The following TTC7A variants were observed in gnomAD, a reference collection of about 807,000 sequenced individuals.
TTC7A encodes tetratricopeptide repeat protein 7A.
TTC7A carries 110 observed loss-of-function variants against 103.7 expected under a neutral mutation model. That is an observed-to-expected ratio of 1.06 (90% confidence interval 0.91 to 1.24). The LOEUF (loss-of-function observed/expected upper bound fraction) is 1.24. TTC7A is among the 50% of genes most tolerant of loss of function. TTC7A has a pLI of 0.00. For missense variants in TTC7A, 1,340 were observed against 1,116.3 expected, an observed-to-expected ratio of 1.20 and a Z score of -2.86; for synonymous variants, 521 against 467.9, an observed-to-expected ratio of 1.11 and a Z score of -1.47.
intron 5 of TTC7A, among the ~76,000 whole-genome samples, chr2:46,979,815 C>G (rs1402276641): frequency 6.6e-6 from 1 of 152,172 alleles, no homozygotes; most frequent in Non-Finnish European, 1.5e-5. Flanking sequence ...GGCTTTGGGC[C>G]CCTTCCTCTG....
chr2:47,000,329 C>G (rs1297577429), intron 8 of TTC7A, among the ~76,000 whole-genome samples: 1 of 151,832 alleles, frequency 6.6e-6, no homozygotes, highest in Non-Finnish European at 1.5e-5. Context: ...ATTGTTTCAG[C>G]TTTTGGGATC....
intron 2 of TTC7A, among the ~76,000 whole-genome samples, chr2:46,954,541 T>C (rs1315973876): frequency 6.6e-6 from 1 of 150,562 alleles, no homozygotes; most frequent in Non-Finnish European, 1.5e-5. Flanking sequence ...AAGGGCAAGG[T>C]AGATATCCTT....
At chr2:46,918,533 C>A (rs1490494472) in intron 2 of TTC7A, among the ~76,000 whole-genome samples, 1 of 152,174 alleles carries the variant, frequency 6.6e-6, no homozygotes, top group African/African-American at 2.4e-5. Flanking sequence ...TGAACCCATT[C>A]CTAACAGGCA....
intron 3 of TTC7A, among the ~76,000 whole-genome samples, chr2:46,969,026 C>T (rs190084863): frequency 6.6e-6 from 1 of 151,928 alleles, no homozygotes; most frequent in African/African-American, 2.4e-5. Flanking sequence ...CCTCAGCTCC[C>T]ACAGTGCTGG....
chr2:47,062,628 T>C (rs781742448), intron 19 of TTC7A, among the ~76,000 whole-genome samples: 1 of 152,268 alleles, frequency 6.6e-6, no homozygotes, highest in East Asian at 1.9e-4. Flanking sequence ...TTCCACTGTG[T>C]TCACGGATAT....
chr2:47,034,906 C>G lies in TTC7A; in HGVS notation c.1802+5522C>G, dbSNP rs77510581. Among the ~76,000 whole-genome samples the G allele has an allele frequency of 6.6e-3, 1,007 of 152,266 alleles. 7 individuals carry two copies. Among genetic ancestry groups the G allele is most frequent in the African/African-American group, 0.023 (959 of 41,546 alleles). On this transcript the variant is annotated intron_variant, in intron 15 of 19. Coordinates refer to ENST00000319190, the MANE Select transcript of TTC7A (RefSeq NM_020458.4). ...ATGGGCTTCCCGACAAGCCAGAGCA[C>G]GTGCCTGTAAACAAATGGAACCACA...
At chr2:46,920,757 A>G (rs1669062331) in intron 2 of TTC7A, among the ~76,000 whole-genome samples, 1 of 151,998 alleles carries the variant, frequency 6.6e-6, no homozygotes, top group Non-Finnish European at 1.5e-5. Flanking sequence ...ACTTCCTTCA[A>G]AGGCATTTTC....
intron 2 of TTC7A, among the ~76,000 whole-genome samples, chr2:46,928,849 G>A (rs1006488020): frequency 6.6e-5 from 10 of 152,102 alleles, no homozygotes; most frequent in Non-Finnish European, 1.3e-4. Flanking sequence ...GGGTAGGGGG[G>A]GAAGCTTTAA....
upstream of TTC7A, among the ~76,000 whole-genome samples, chr2:46,939,271 T>C (rs13392448): frequency 0.17 from 26,218 of 151,462 alleles, 2,716 homozygotes; most frequent in African/African-American, 0.29. Context: ...AGGAATAAAA[T>C]TGGCCAGGCG....
At chr2:46,975,591 G>T (rs1673800173) in intron 4 of TTC7A, among the ~76,000 whole-genome samples, 1 of 152,074 alleles carries the variant, frequency 6.6e-6, no homozygotes, top group South Asian at 2.1e-4. Context: ...CCTGTGGTGG[G>T]TCTGGGTTAA....
chr2:46,933,412 G>A (rs940241093), intron 2 of TTC7A, among the ~76,000 whole-genome samples: 2 of 152,214 alleles, frequency 1.3e-5, no homozygotes, highest in African/African-American at 4.8e-5. Context: ...TCTACTATGT[G>A]CAAGCACAAA....
chr2:47,059,660 A>G (rs1027250650), intron 18 of TTC7A, among the ~76,000 whole-genome samples: 1 of 152,128 alleles, frequency 6.6e-6, no homozygotes, highest in Non-Finnish European at 1.5e-5. Context: ...TGGACATGCA[A>G]TGAACAAAGT....
intron 5 of TTC7A, among the ~76,000 whole-genome samples, chr2:46,979,872 A>T (rs1260396403): frequency 6.6e-6 from 1 of 152,176 alleles, no homozygotes; most frequent in Non-Finnish European, 1.5e-5. Context: ...GCTGGAGGAC[A>T]TCACTGACGA....
Position 47,073,754 on chromosome 2 carries a change from G to A in TTC7A, c.2408G>A (p.Arg803His), listed in dbSNP as rs146165942. Reference protein sequence around the residue: ...GHKSLAQKVLRDAVERQSTCH... With the variant: ...GHKSLAQKVLHDAVERQSTCH... The stretch of plus-strand genomic sequence containing the variant: ...AAGAGCTTGGCCCAGAAGGTGCTTC[G>A]TGATGCCGTGGAGAGGCAGAGTACG... The change falls in exon 20 of 20, where the codon CGT (arginine) becomes CAT (histidine). Residue 803 changes from arginine to histidine, a missense_variant. Transcript: ENST00000319190. 2.0e-5 allele frequency: 33 copies of A among 1,613,742 alleles called. 1 individual carries two copies. The highest frequency in any genetic ancestry group is 1.9e-4 in the South Asian group (17 of 91,092).
chr2:46,986,799 C>T (rs918145563), intron 5 of TTC7A, among the ~76,000 whole-genome samples: 4 of 152,174 alleles, frequency 2.6e-5, no homozygotes, highest in African/African-American at 9.7e-5. Flanking sequence ...CTCGTCCCTC[C>T]CATTGAGGAC....
intron 2 of TTC7A, among the ~76,000 whole-genome samples, chr2:46,924,713 A>G (rs184995791): frequency 4.6e-5 from 7 of 152,210 alleles, no homozygotes; most frequent in African/African-American, 1.4e-4. Context: ...TGCAGCCTCA[A>G]CCTCCTGGGC....
rs370070404 is a variant in TTC7A, at chr2:47,029,286, C to A, written c.1704C>A (p.Ala568=). 2 of 1,613,950 alleles carry A rather than the reference C, an allele frequency of 1.2e-6. No homozygotes were observed. The highest frequency in any genetic ancestry group is 2.2e-5 in the East Asian group (1 of 44,890). Residue 568 remains alanine (A), a synonymous_variant, in exon 15 of 20, where the codon GCC becomes GCA. Coordinates refer to ENST00000319190, the MANE Select transcript of TTC7A (RefSeq NM_020458.4). ...ALKVRKDDAH[A]LHLLALLFSA... is the part of the protein sequence containing the mutation. Reference sequence around the variant, plus strand: ...AGGTACGCAAGGATGATGCCCACGCCCTCCACCTGCTGGCACTGCTCTTCT... The same window carrying A: ...AGGTACGCAAGGATGATGCCCACGCACTCCACCTGCTGGCACTGCTCTTCT...
intron 3 of TTC7A, among the ~76,000 whole-genome samples, chr2:46,972,307 A>AT (rs1673439246): frequency 6.6e-6 from 1 of 151,570 alleles, no homozygotes; most frequent in Non-Finnish European, 1.5e-5. Flanking sequence ...GATTGTTTTT[A>AT]TTTTTTTGAG....
At chr2:47,001,404 G>T (rs1407857608) in intron 8 of TTC7A, among the ~76,000 whole-genome samples, 1 of 152,180 alleles carries the variant, frequency 6.6e-6, no homozygotes. Flanking sequence ...AATGGGGGGT[G>T]GTTCAGCCTC....
Sources: gnomAD v4.1 joint callset for allele counts (sites outside exome capture counted in the v4.1 genomes callset) on GRCh38, gnomAD v4.1.1 for gene constraint, MANE v1.5 for transcripts, NCBI Gene and HGNC (gene_info 2026-07-23, HGNC 2026-07-21) for gene names.